PRKN: variants seen among roughly 807,000 people sequenced by gnomAD.
PRKN encodes parkin RBR E3 ubiquitin protein ligase.
In PRKN, 56 loss-of-function variants were observed where a neutral mutation model predicts 59.5. The ratio of observed to expected loss-of-function variants is 0.94; its 90% CI spans 0.76 to 1.18. The LOEUF (loss-of-function observed/expected upper bound fraction) is 1.18. Among genes scored for constraint, PRKN ranks in the 50% most tolerant of loss-of-function variants. The pLI, the probability that PRKN is intolerant of heterozygous loss-of-function variation, is 0.00. For missense variants in PRKN, 657 were observed against 596.4 expected (o/e 1.10, Z -1.06); for synonymous variants, 250 against 222.1 (o/e 1.13, Z -1.12).
intron 1 of PRKN, among the ~76,000 whole-genome samples, chr6:162,713,024 T>A (rs1045454713): frequency 6.6e-6 from 1 of 152,168 alleles, no homozygotes; most frequent in African/African-American, 2.4e-5. Context: ...TGCTGTAATA[T>A]TATAGTTTGA....
At chr6:162,658,658 C>CAAAAAAAAAAAAAAGAAAAAAAA (rs1778752449) in intron 1 of PRKN, among the ~76,000 whole-genome samples, 1 of 109,112 alleles carries the variant, frequency 9.2e-6, no homozygotes, top group African/African-American at 3.4e-5. Context: ...GAGACTCTGT[C>CAAAAAAAAAAAAAAGAAAAAAAA]AAAAAAAAAA....
rs143752241 is a variant in PRKN, at chr6:161,721,279, T to C, written c.871+64493A>G. On this transcript the variant is annotated intron_variant, in intron 7 of 11. Transcript: ENST00000366898. ...ACTGATTTGTAAAAGTCAATTTCATTAGAATATGCAGAATAGAGAGAACAT... is the reference window on the plus strand; with the variant it reads ...ACTGATTTGTAAAAGTCAATTTCATCAGAATATGCAGAATAGAGAGAACAT... Among the ~76,000 whole-genome samples, 324 of 152,318 alleles carry C rather than the reference T, an allele frequency of 2.1e-3. 1 individual carries two copies. Among genetic ancestry groups the C allele is most frequent in the African/African-American group, 7.3e-3 (303 of 41,570 alleles).
In PRKN at chr6:162,011,337, T is replaced by G. The variant is rs186372788; in HGVS notation, c.619-37920A>C. ...ATATTTTTATAATATATATAATATA[T>G]TATATATTATAATATATATTTATAA... On this transcript the variant is annotated intron_variant, in intron 5 of 11. Coordinates refer to ENST00000366898, the MANE Select transcript of PRKN (RefSeq NM_004562.3). 2.2e-3 allele frequency among the ~76,000 whole-genome samples: 62 copies of G among 27,890 alleles called. 16 individuals are homozygous for G. The highest frequency in any genetic ancestry group is 5.7e-3 in the East Asian group (4 of 704). The allele number at this position is 27,890 out of a possible 152,430, so 18.3% of individuals were successfully genotyped here.
chr6:161,793,601 A>G (rs1027773671), intron 6 of PRKN, among the ~76,000 whole-genome samples: 1 of 151,716 alleles, frequency 6.6e-6, no homozygotes, highest in Admixed American at 6.6e-5. Context: ...AGGAGGTCAC[A>G]GTCTATAGAG....
At chr6:162,583,712 A>C (rs36042757) in intron 1 of PRKN, among the ~76,000 whole-genome samples, 18,670 of 152,204 alleles carry the variant, frequency 0.12, 1,244 homozygotes, top group Middle Eastern at 0.2. Context: ...CATAAACTCT[A>C]CATGAGCATA....
In PRKN at chr6:162,712,645, G is replaced by T. The variant is rs1778579275; in HGVS notation, c.7+15017C>A. Among the ~76,000 whole-genome samples, 3 of 152,170 alleles carry T rather than the reference G, an allele frequency of 2.0e-5. No individual in the cohort carries two copies. In the South Asian group the frequency reaches 6.2e-4, roughly 32 times the overall value. On this transcript the variant is annotated intron_variant, in intron 1 of 11. Transcript: ENST00000366898. The stretch of plus-strand genomic sequence containing the variant: ...GCTAACTCATTAGTTTGTAAGTAGG[G>T]TAAAAAGCAAAGCCCAGATCCAACA...
chr6:162,102,405 T>C (rs1382203858), intron 4 of PRKN, among the ~76,000 whole-genome samples: 1 of 152,210 alleles, frequency 6.6e-6, no homozygotes, highest in Non-Finnish European at 1.5e-5. Flanking sequence ...TAACAATTAA[T>C]GGCAATCATC....
At position 162,049,727 on chromosome 6, in the gene PRKN, C is replaced by G. The variant is rs75749196; in HGVS notation, c.618+4364G>C. 5.1e-3 allele frequency among the ~76,000 whole-genome samples: 783 copies of G among 152,230 alleles called. 8 individuals carry two copies. Among genetic ancestry groups the G allele is most frequent in the African/African-American group, 0.017 (725 of 41,532 alleles). On this transcript the variant is annotated intron_variant, in intron 5 of 11. Coordinates refer to ENST00000366898, the MANE Select transcript of PRKN (RefSeq NM_004562.3). ...AACATTGACTCAGTGATTTGAATGTCCACGTGTAACAGATTTTTAGAGTTA... is the reference window on the plus strand; with the variant it reads ...AACATTGACTCAGTGATTTGAATGTGCACGTGTAACAGATTTTTAGAGTTA...
At chr6:161,677,569 T>C (rs1001156965) in intron 7 of PRKN, among the ~76,000 whole-genome samples, 1 of 152,174 alleles carries the variant, frequency 6.6e-6, no homozygotes, top group African/African-American at 2.4e-5. Context: ...AAGGGTGCCT[T>C]CTATGCTGGC....
At chr6:161,607,914 T>A (rs925694373) in intron 7 of PRKN, among the ~76,000 whole-genome samples, 2 of 152,172 alleles carry the variant, frequency 1.3e-5, no homozygotes, top group African/African-American at 2.4e-5. Context: ...AGAATCAGAA[T>A]GGCCTTGGAC....
chr6:161,791,253 T>C (rs1322377296), intron 6 of PRKN, among the ~76,000 whole-genome samples: 1 of 152,226 alleles, frequency 6.6e-6, no homozygotes, highest in Admixed American at 6.5e-5. Flanking sequence ...AGCGACCCTT[T>C]GTTTGCAGAA....
chr6:162,295,562 T>C (rs1781632425), intron 2 of PRKN, among the ~76,000 whole-genome samples: 1 of 152,178 alleles, frequency 6.6e-6, no homozygotes. Context: ...TTAGGACTAA[T>C]GCCATTAACT....
At chr6:161,387,823 G>A (rs757534179) in intron 9 of PRKN, among the ~76,000 whole-genome samples, 12 of 152,200 alleles carry the variant, frequency 7.9e-5, no homozygotes, top group Non-Finnish European at 1.6e-4. Flanking sequence ...AAGGGAAGAT[G>A]AGGTTGTTAG....
In PRKN at chr6:161,372,998, A is replaced by C. The variant is rs1378783307; in HGVS notation, c.1168-12793T>G. Among the ~76,000 whole-genome samples, 1 of 151,720 alleles carries C rather than the reference A, an allele frequency of 6.6e-6. No individual in the cohort carries two copies. Among genetic ancestry groups the C allele is most frequent in the Admixed American group, 6.6e-5 (1 of 15,226 alleles). On this transcript the variant is annotated intron_variant, in intron 10 of 11. Transcript: ENST00000366898. This position sits in a 1 kb window ranked among gnomAD's most constrained non-coding sequence, Gnocchi z 4.2. ...TCTTTAAAAAATATTTTTTGTAGAG[A>C]TGGGGTCTCACTTTGTTGCCCAGGC... is the stretch of plus-strand genomic sequence containing the variant.
intron 7 of PRKN, among the ~76,000 whole-genome samples, chr6:161,752,431 T>G (rs1383144282): frequency 6.6e-6 from 1 of 152,160 alleles, no homozygotes; most frequent in Non-Finnish European, 1.5e-5. Context: ...CAGCAGCTCA[T>G]GCCAGTAATC....
At chr6:162,636,763 T>C (rs1007603705) in intron 1 of PRKN, among the ~76,000 whole-genome samples, 1 of 151,994 alleles carries the variant, frequency 6.6e-6, no homozygotes, top group Non-Finnish European at 1.5e-5. Flanking sequence ...GGCAGAAGGA[T>C]CCCTTGAGTC....
intron 6 of PRKN, among the ~76,000 whole-genome samples, chr6:161,936,009 A>G (rs558461591): frequency 6.6e-6 from 1 of 152,306 alleles, no homozygotes; most frequent in Non-Finnish European, 1.5e-5. Flanking sequence ...ATTAGTGACA[A>G]AAGTGGAGCT....
rs79772872 is a variant in PRKN at position 162,151,972 on chromosome 6, T to C, written c.534+49159A>G. ...TTATTTAGCAAAAAAAATCAAATAA[T>C]TATAATGCTTTATGTACCCTTAAAT... On this transcript the variant is annotated intron_variant, in intron 4 of 11. Transcript: ENST00000366898. Among the ~76,000 whole-genome samples the C allele has an allele frequency of 1.2e-4, 19 of 152,282 alleles. No individual in the cohort carries two copies. The East Asian group carries it at 3.5e-3, about 28-fold the overall frequency.
chr6:161,590,165 A>C (rs1270275380), intron 7 of PRKN, among the ~76,000 whole-genome samples: 1 of 152,172 alleles, frequency 6.6e-6, no homozygotes, highest in Non-Finnish European at 1.5e-5. Context: ...AATATCCTAA[A>C]ATTAGCTTCA....
Sources: allele counts gnomAD v4.1 joint callset (sites outside exome capture counted in the v4.1 genomes callset), GRCh38; gene constraint gnomAD v4.1.1; non-coding constraint Gnocchi (gnomAD v3.1); transcripts MANE v1.5; gene names NCBI Gene and HGNC (gene_info 2026-07-23, HGNC 2026-07-21).